The following CRYBG1 variants were observed in gnomAD, a reference collection of about 807,000 sequenced individuals.
The protein encoded by CRYBG1 is crystallin beta-gamma domain containing 1.
Under a neutral mutation model 189.2 loss-of-function variants are expected in CRYBG1, and 139 were observed. The observed-to-expected ratio is 0.73, with a 90% CI of 0.64 to 0.85. The LOEUF is 0.85. Ranked by LOEUF, CRYBG1 falls within the 40% of genes least tolerant of loss-of-function variation. The pLI, the probability that CRYBG1 is intolerant of heterozygous loss-of-function variation, is 0.00. For synonymous variants in CRYBG1, 1,023 were observed against 1,017.1 expected (o/e 1.01, Z -0.11); for missense variants, 2,611 against 2,675.8 (o/e 0.98, Z 0.53).
chr6:106,507,768 G>A (rs867226054), intron 2 of CRYBG1, among the ~76,000 whole-genome samples: 50 of 152,156 alleles, frequency 3.3e-4, no homozygotes, highest in African/African-American at 1.2e-3. Context: ...TTAGGAAGGG[G>A]TGTTCCTCAA....
intron 1 of CRYBG1, among the ~76,000 whole-genome samples, chr6:106,424,569 A>C (rs928986319): frequency 2.6e-4 from 40 of 151,882 alleles, no homozygotes; most frequent in African/African-American, 8.7e-4. Flanking sequence ...TCAACTGATT[A>C]TCCTGCCTCA....
chr6:106,382,969 T>C (rs1271455878), intron 1 of CRYBG1, among the ~76,000 whole-genome samples: 2 of 152,194 alleles, frequency 1.3e-5, no homozygotes, highest in Admixed American at 1.3e-4. Context: ...ATTATTGATA[T>C]CTAAGTAGGG....
intron 1 of CRYBG1, among the ~76,000 whole-genome samples, chr6:106,414,040 C>G (rs552331944): frequency 6.6e-6 from 1 of 152,258 alleles, no homozygotes; most frequent in East Asian, 1.9e-4. Flanking sequence ...CTTTAGCATC[C>G]GACTCAGTGA....
Position 106,552,582 on chromosome 6 carries a change from C to CAAA in CRYBG1, c.5472+395_5472+397dup, listed in dbSNP as rs58470981. Among the ~76,000 whole-genome samples, 84 of 67,640 alleles carry CAAA rather than the reference C, an allele frequency of 1.2e-3. 3 individuals carry two copies. Among genetic ancestry groups the CAAA allele is most frequent in the Non-Finnish European group, 1.6e-3 (58 of 37,006 alleles). The allele number at this position is 67,640 out of a possible 152,430, so 44.4% of individuals were successfully genotyped here. On this transcript the variant is annotated intron_variant, in intron 15 of 21. Coordinates refer to ENST00000633556, the MANE Select transcript of CRYBG1 (RefSeq NM_001371242.2). ...AGCCTGAGTGACAGAGACTCTGTCT[C>CAAA]AAAAAAAAAAAAAAAAAAAAAAAAA... is the stretch of plus-strand genomic sequence containing the variant.
intron 1 of CRYBG1, among the ~76,000 whole-genome samples, chr6:106,444,151 T>G (rs953923819): frequency 6.6e-6 from 1 of 152,188 alleles, no homozygotes; most frequent in Non-Finnish European, 1.5e-5. Flanking sequence ...TAGTCTTTCT[T>G]TGGGGAGTAT....
chr6:106,489,771 T>A (rs937743981), intron 2 of CRYBG1, among the ~76,000 whole-genome samples: 1 of 130,882 alleles, frequency 7.6e-6, no homozygotes, highest in Admixed American at 8.4e-5. Context: ...CCAGCCTGGG[T>A]GACAGACTCT....
At position 106,570,378 on chromosome 6, in the gene CRYBG1, T is replaced by TG. The variant is rs1230068041; in HGVS notation, c.*1814dup. 2 of 152,234 alleles carry TG rather than the reference T, an allele frequency of 1.3e-5. No individual in the cohort carries two copies. Among genetic ancestry groups the TG allele is most frequent in the African/African-American group, 4.8e-5 (2 of 41,444 alleles). The allele number at this position is 152,234 out of a possible 1,614,324, so 9.4% of individuals were successfully genotyped here. A position where few individuals can be genotyped will look rare whatever the true frequency, so the allele number is the denominator to read the frequency against. ...GCCTTTTGTGCATACCATTACAATA[T>TG]GGTGGGGTAAGACATTCTACAGTAG... is the stretch of plus-strand genomic sequence containing the variant. On this transcript the variant is annotated 3_prime_UTR_variant, in exon 22 of 22. Transcript: ENST00000633556.
chr6:106,542,494 G>A (rs532207160), intron 10 of CRYBG1, among the ~76,000 whole-genome samples: 1 of 151,526 alleles, frequency 6.6e-6, no homozygotes, highest in South Asian at 2.1e-4. Flanking sequence ...TGCCCAGGTT[G>A]GTCTCAAACT....
chr6:106,516,872 AAATAG>A (rs907881148), intron 3 of CRYBG1, among the ~76,000 whole-genome samples: 11 of 152,128 alleles, frequency 7.2e-5, no homozygotes, highest in Non-Finnish European at 1.3e-4. Flanking sequence ...CCTCAGCCAA[AAATAG>A]AATGTATAAA....
At position 106,525,103 on chromosome 6, in the gene CRYBG1, T is replaced by C. The variant is rs1408893232; in HGVS notation, c.4246-30T>C. On this transcript the variant is annotated intron_variant, in intron 4 of 21. Coordinates refer to ENST00000633556, the MANE Select transcript of CRYBG1 (RefSeq NM_001371242.2). Reference sequence around the variant, plus strand: ...GGATCGTTATGTGAAGTTGTAATTATTTGTTGTGTTTTTGTTCATCTGATT... The same window carrying C: ...GGATCGTTATGTGAAGTTGTAATTACTTGTTGTGTTTTTGTTCATCTGATT... 4.3e-6 allele frequency: 7 copies of C among 1,611,278 alleles called. No homozygotes were observed. The South Asian group carries it at 6.6e-5, about 15-fold the overall frequency.
chr6:106,474,613 C>T (rs993074196), intron 2 of CRYBG1, among the ~76,000 whole-genome samples: 1 of 152,044 alleles, frequency 6.6e-6, no homozygotes, highest in Non-Finnish European at 1.5e-5. Context: ...CCTATGTGTA[C>T]TTCCGGTCTA....
intron 1 of CRYBG1, among the ~76,000 whole-genome samples, chr6:106,449,997 G>T (rs1196516502): frequency 6.6e-6 from 1 of 152,168 alleles, no homozygotes; most frequent in Non-Finnish European, 1.5e-5. Flanking sequence ...GGCTGAGGCA[G>T]GTGGCTCACT....
At chr6:106,455,952 ATCACTGCTGC>A (rs1771879250) in intron 2 of CRYBG1, among the ~76,000 whole-genome samples, 1 of 152,124 alleles carries the variant, frequency 6.6e-6, no homozygotes, top group African/African-American at 2.4e-5. Context: ...CTATTGCTAA[ATCACTGCTGC>A]TCCTTTATAA....
intron 1 of CRYBG1, among the ~76,000 whole-genome samples, chr6:106,424,444 A>G (rs1771189545): frequency 6.6e-6 from 1 of 152,122 alleles, no homozygotes; most frequent in Admixed American, 6.5e-5. Context: ...GAAGGAGGCT[A>G]CTGTGAGAAC....
chr6:106,399,841 G>T (rs1485487720), intron 1 of CRYBG1, among the ~76,000 whole-genome samples: 1 of 151,646 alleles, frequency 6.6e-6, no homozygotes, highest in African/African-American at 2.4e-5. Context: ...ACCTTTTGTA[G>T]AGAAAATATC....
intron 21 of CRYBG1, among the ~76,000 whole-genome samples, chr6:106,564,675 C>T (rs925426488): frequency 6.6e-6 from 1 of 152,178 alleles, no homozygotes; most frequent in African/African-American, 2.4e-5. Flanking sequence ...CTGAGGCCCA[C>T]ACCCGGAGAA....
intron 1 of CRYBG1, among the ~76,000 whole-genome samples, chr6:106,389,695 G>A (rs1562293810): frequency 6.6e-6 from 1 of 151,872 alleles, no homozygotes; most frequent in Non-Finnish European, 1.5e-5. Context: ...ATGTTAGCTG[G>A]GTACTTTTGT....
rs373178677 is a variant in CRYBG1 at position 106,558,573 on chromosome 6, C to T, written c.5803C>T (p.Arg1935Ter). Residue 1935 changes from arginine (R) to a stop codon, truncating the protein, a stop_gained, in exon 18 of 22, where the codon CGA (arginine) becomes TGA (stop). Transcript: ENST00000633556. LOFTEE classifies it high-confidence loss of function. ...ACTTAATGCAGAAACTGTCAATCTC[C>T]GATCCCTGGGATTCAACACACAAAT... ...IELNAETVNL[R>*]SLGFNTQIRS... 3.1e-6 allele frequency: 5 copies of T among 1,613,490 alleles called. No individual in the cohort carries two copies. The highest frequency in any genetic ancestry group is 3.3e-5 in the Admixed American group (2 of 59,948).
In CRYBG1 at chr6:106,544,810, T is replaced by G. The variant is rs761939845; in HGVS notation, c.5189T>G (p.Ile1730Arg). Residue 1730 changes from isoleucine to arginine, a missense_variant, in exon 13 of 22, where the codon ATA becomes AGA. By Grantham distance (97) the Ile-to-Arg change is moderately conservative (BLOSUM62 -3). This residue lies in a region of CRYBG1 where 1,622 missense variants were observed against 1,735.0 expected (regional missense o/e 0.93). Coordinates refer to ENST00000633556, the MANE Select transcript of CRYBG1 (RefSeq NM_001371242.2). ...ILGDFSNAHM[I>R]MYSEKNFGSK... ...TAGGATTTTTCAAATGCTCACATGATAATGTACAGTGAAAAAAACTTTGGA... is the reference window on the plus strand; with the variant it reads ...TAGGATTTTTCAAATGCTCACATGAGAATGTACAGTGAAAAAAACTTTGGA... 6.2e-6 allele frequency: 10 copies of G among 1,609,066 alleles called. No individual in the cohort carries two copies. In the East Asian group the frequency reaches 2.0e-4, roughly 32 times the overall value.
Sources: allele counts gnomAD v4.1 joint callset (sites outside exome capture counted in the v4.1 genomes callset), GRCh38; gene constraint gnomAD v4.1.1; regional missense constraint gnomAD v4.1.1; transcripts MANE v1.5; gene names NCBI Gene and HGNC (gene_info 2026-07-23, HGNC 2026-07-21).